The following PCBP3 variants were observed in gnomAD, a reference collection of about 807,000 sequenced individuals.
PCBP3 encodes the protein poly(rC)-binding protein 3.
PCBP3 carries 25 observed loss-of-function variants against 52.7 expected under a neutral mutation model. The observed-to-expected ratio is 0.47, with a 90% CI of 0.35 to 0.66. The LOEUF (loss-of-function observed/expected upper bound fraction) is 0.66, where lower values mean the gene tolerates loss of function less well. Among genes scored for constraint, PCBP3 ranks in the 30% least tolerant of loss-of-function variants. PCBP3 has a pLI of 0.01. For synonymous variants in PCBP3, 162 were observed against 183.0 expected, an observed-to-expected ratio of 0.89 and a Z score of 0.93; for missense variants, 391 against 490.3, an observed-to-expected ratio of 0.80 and a Z score of 1.91.
At chr21:45,755,295 T>C (rs1261881011) in intron 3 of PCBP3, among the ~76,000 whole-genome samples, 122 bp from the exon 4 acceptor site, 5 of 152,262 alleles carry the variant, frequency 3.3e-5, no homozygotes, top group Non-Finnish European at 1.5e-5. Flanking sequence ...TGCCACAATT[T>C]GTACATCCAT....
intron 4 of PCBP3, among the ~76,000 whole-genome samples, chr21:45,839,267 G>C (rs1210200879): frequency 2.0e-5 from 3 of 151,938 alleles, no homozygotes; most frequent in African/African-American, 7.3e-5. Context: ...CCTAATTTTT[G>C]TTTGTTCTCC....
intron 4 of PCBP3, among the ~76,000 whole-genome samples, chr21:45,811,688 G>C (rs978741228): frequency 1.3e-5 from 2 of 152,180 alleles, no homozygotes; most frequent in Non-Finnish European, 2.9e-5. Context: ...GGCTTGCTAG[G>C]ATCAGTATTT....
At chr21:45,713,385 T>A (rs2083986535) in intron 2 of PCBP3, among the ~76,000 whole-genome samples, 1 of 152,228 alleles carries the variant, frequency 6.6e-6, no homozygotes, top group Non-Finnish European at 1.5e-5. Flanking sequence ...GCCTTGCTCT[T>A]GCTTTCCACC....
At chr21:45,674,328 A>G (rs529987910) in intron 2 of PCBP3, among the ~76,000 whole-genome samples, 1 of 152,306 alleles carries the variant, frequency 6.6e-6, no homozygotes, top group East Asian at 1.9e-4. Context: ...AGCATCCTAC[A>G]CATATCTTCC....
Position 45,917,607 on chromosome 21 carries a change from A to G in PCBP3, c.695A>G (p.Gln232Arg). ...AGGQAYTIQG[Q>R]YAIPHPDQLT... ...CTCTAGGCCTACACAATCCAGGGAC[A>G]GTATGCCATCCCTCACCCGGATGTG... The change falls in exon 13 of 18, where the codon CAG becomes CGG. Residue 232 changes from glutamine to arginine, a missense_variant. Coordinates refer to ENST00000681687, the MANE Select transcript of PCBP3 (RefSeq NM_001384156.1). The surrounding 1 kb of genome is among the most constrained non-coding windows in gnomAD (Gnocchi z 5.3). 1.2e-6 allele frequency: 2 copies of G among 1,613,582 alleles called. No individual in the cohort carries two copies. The highest frequency in any genetic ancestry group is 1.7e-6 in the Non-Finnish European group (2 of 1,179,638).
chr21:45,870,269 AT>A (rs1251611488), intron 5 of PCBP3, among the ~76,000 whole-genome samples: 2 of 152,082 alleles, frequency 1.3e-5, no homozygotes, highest in Non-Finnish European at 2.9e-5. Flanking sequence ...TTAAGGAGAT[AT>A]TTTTAGCAGA....
intron 1 of PCBP3, among the ~76,000 whole-genome samples, chr21:45,662,113 G>A (rs1254031604): frequency 6.6e-6 from 1 of 151,374 alleles, no homozygotes; most frequent in Non-Finnish European, 1.5e-5. Context: ...GATTATTTTT[G>A]CTGTGTAGAC....
intron 5 of PCBP3, among the ~76,000 whole-genome samples, chr21:45,860,544 G>C (rs2094470419): frequency 6.6e-6 from 1 of 152,228 alleles, no homozygotes; most frequent in African/African-American, 2.4e-5. Context: ...AGAAATGGCA[G>C]ATTCTGGGTG....
chr21:45,670,627 T>C (rs1392275485), intron 2 of PCBP3, among the ~76,000 whole-genome samples: 1 of 152,232 alleles, frequency 6.6e-6, no homozygotes, highest in African/African-American at 2.4e-5. Flanking sequence ...TTGGGAGGGC[T>C]GACTTGCTTC....
chr21:45,870,892 A>G (rs1288500515), intron 5 of PCBP3: 2 of 153,312 alleles, frequency 1.3e-5, no homozygotes, highest in Admixed American at 6.5e-5. Flanking sequence ...CAGCCCTCTC[A>G]TGCGCAGAAC....
chr21:45,753,872 G>T (rs991336523), intron 3 of PCBP3, among the ~76,000 whole-genome samples: 5 of 152,008 alleles, frequency 3.3e-5, no homozygotes, highest in African/African-American at 7.3e-5. Context: ...TTAATATTGT[G>T]CAGCTTTCTC....
chr21:45,785,520 GC>G (rs1480192061), intron 4 of PCBP3, among the ~76,000 whole-genome samples: 5 of 144,038 alleles, frequency 3.5e-5, no homozygotes, highest in Admixed American at 2.7e-4. Flanking sequence ...GGGGGGGTCA[GC>G]CCCCCGCCCG....
At chr21:45,685,576 G>A (rs1971621679) in intron 2 of PCBP3, among the ~76,000 whole-genome samples, 2 of 152,202 alleles carry the variant, frequency 1.3e-5, no homozygotes, top group Admixed American at 1.3e-4. Flanking sequence ...TGGACAACAG[G>A]CTGCACAAGA....
At chr21:45,680,154 A>C (rs2081747529) in intron 2 of PCBP3, among the ~76,000 whole-genome samples, 2 of 152,214 alleles carry the variant, frequency 1.3e-5, no homozygotes, top group South Asian at 4.1e-4. Context: ...GAAATTGGGT[A>C]GAGATTTCTC....
intron 4 of PCBP3, among the ~76,000 whole-genome samples, chr21:45,787,091 C>G (rs1316854248): frequency 1.3e-5 from 2 of 152,206 alleles, no homozygotes; most frequent in African/African-American, 4.8e-5. Flanking sequence ...CTGGTAAATA[C>G]TAGGTATATT....
chr21:45,920,315 G>T (rs1053645792), intron 13 of PCBP3, among the ~76,000 whole-genome samples: 1 of 152,236 alleles, frequency 6.6e-6, no homozygotes, highest in African/African-American at 2.4e-5. Context: ...TCCAGAGGCC[G>T]TGGCTGTGTG....
chr21:45,941,816 G>A lies in PCBP3; in HGVS notation c.*110G>A. ...CTGCCTCACAGATACCAATAGAGAG[G>A]TTTTCTTAATTAACAAAAGGACGTA... On this transcript the variant is annotated 3_prime_UTR_variant, in exon 18 of 18. Transcript: ENST00000681687. 1.2e-6 allele frequency: 1 copy of A among 823,530 alleles called. No individual in the cohort carries two copies. Among genetic ancestry groups the A allele is most frequent in the Non-Finnish European group, 1.9e-6 (1 of 537,648 alleles). 51.0% of individuals were successfully genotyped at this position (823,530 alleles called of 1,614,324 possible). A position where few individuals can be genotyped will look rare whatever the true frequency, so the allele number is the denominator to read the frequency against.
chr21:45,888,333 C>G (rs1440140641), intron 5 of PCBP3, among the ~76,000 whole-genome samples: 1 of 152,248 alleles, frequency 6.6e-6, no homozygotes, highest in Non-Finnish European at 1.5e-5. Context: ...TTAAAATAAT[C>G]AAGTTATTAA....
At chr21:45,685,762 T>G (rs1269039740) in intron 2 of PCBP3, among the ~76,000 whole-genome samples, 1 of 152,108 alleles carries the variant, frequency 6.6e-6, no homozygotes, top group Non-Finnish European at 1.5e-5. Flanking sequence ...ATGGAAAGAC[T>G]CTGAAGAGAA....
Sources: gnomAD v4.1 joint callset for allele counts (sites outside exome capture counted in the v4.1 genomes callset) on GRCh38, gnomAD v4.1.1 for gene constraint, Gnocchi (gnomAD v3.1) non-coding constraint, MANE v1.5 for transcripts, NCBI Gene and HGNC (gene_info 2026-07-23, HGNC 2026-07-21) for gene names.